EVA1C: variants seen among roughly 807,000 people sequenced by gnomAD.
The protein encoded by EVA1C is eva-1 homolog C.
In EVA1C, 25 loss-of-function variants were observed where a neutral mutation model predicts 45.4. That is an observed-to-expected ratio of 0.55 (90% CI 0.40 to 0.77). The LOEUF is 0.77. Among genes scored for constraint, EVA1C ranks in the 30% least tolerant of loss-of-function variants. The pLI, the probability that EVA1C is intolerant of heterozygous loss-of-function variation, is 0.00. For missense variants in EVA1C, 479 were observed against 554.8 expected, an observed-to-expected ratio of 0.86 and a Z score of 1.37; for synonymous variants, 190 against 221.2, an observed-to-expected ratio of 0.86 and a Z score of 1.25.
intron 4 of EVA1C, among the ~76,000 whole-genome samples, chr21:32,489,149 G>C (rs894259649): frequency 1.3e-5 from 2 of 152,178 alleles, no homozygotes; most frequent in African/African-American, 2.4e-5. Context: ...TGGTGTCCTA[G>C]CTAATAAATC....
chr21:32,440,150 G>C (rs2035121087), intron 1 of EVA1C, among the ~76,000 whole-genome samples: 1 of 152,008 alleles, frequency 6.6e-6, no homozygotes, highest in African/African-American at 2.4e-5. Context: ...TTGTATGTGA[G>C]GGCAGAACCA....
chr21:32,438,486 CAA>C (rs35688820), intron 1 of EVA1C, among the ~76,000 whole-genome samples: 1 of 57,268 alleles, frequency 1.7e-5, no homozygotes, highest in Non-Finnish European at 3.2e-5. Flanking sequence ...GACTCTGTCT[CAA>C]AAAAAAAAAA....
chr21:32,462,212 C>T (rs1385201890), intron 3 of EVA1C, among the ~76,000 whole-genome samples: 2 of 148,952 alleles, frequency 1.3e-5, no homozygotes, highest in Non-Finnish European at 3.0e-5. Context: ...ATAGGGAGAC[C>T]CCTATCTCTA....
At chr21:32,411,844 T>G (rs1486768137), upstream of EVA1C, among the ~76,000 whole-genome samples, 1 of 152,208 alleles carries the variant, frequency 6.6e-6, no homozygotes, top group Non-Finnish European at 1.5e-5. Flanking sequence ...CCTCGCGCAC[T>G]TGTCCTCGAT....
At chr21:32,439,346 G>A (rs112845828) in intron 1 of EVA1C, among the ~76,000 whole-genome samples, 1 of 152,180 alleles carries the variant, frequency 6.6e-6, no homozygotes, top group Non-Finnish European at 1.5e-5. Context: ...GGGCCCTTGG[G>A]GCCATTTGGT....
chr21:32,412,117 C>T (rs1428692359), upstream of EVA1C: 4 of 152,316 alleles, frequency 2.6e-5, no homozygotes, highest in Non-Finnish European at 4.4e-5. Flanking sequence ...AGACCTCCAG[C>T]TCGTCGCCGT....
At chr21:32,477,137 C>G (rs978202502) in intron 4 of EVA1C, among the ~76,000 whole-genome samples, 13 of 152,162 alleles carry the variant, frequency 8.5e-5, no homozygotes, top group African/African-American at 3.1e-4. Context: ...GGACACATCC[C>G]AGCAAGTCTG....
intron 1 of EVA1C, among the ~76,000 whole-genome samples, chr21:32,436,212 C>T (rs35933282): frequency 0.18 from 21,397 of 118,596 alleles, 1,560 homozygotes; most frequent in East Asian, 0.31. Context: ...TACAGGAGCC[C>T]GTCACCACAC....
At chr21:32,439,851 T>TG (rs1351494150) in intron 1 of EVA1C, among the ~76,000 whole-genome samples, 1 of 150,830 alleles carries the variant, frequency 6.6e-6, no homozygotes, top group Non-Finnish European at 1.5e-5. Flanking sequence ...ATCCCTAAAG[T>TG]GAAAAAAAAA....
At chr21:32,411,957 C>T (rs566991711), upstream of EVA1C, 2 of 152,402 alleles carry the variant, frequency 1.3e-5, no homozygotes, top group Admixed American at 1.3e-4. Context: ...GATGCTGTGG[C>T]CCACTTTAAA....
intron 1 of EVA1C, among the ~76,000 whole-genome samples, chr21:32,422,545 T>G (rs1291846638): frequency 6.6e-6 from 1 of 152,066 alleles, no homozygotes; most frequent in East Asian, 1.9e-4. Context: ...AACTGTAAAA[T>G]ACTAAAGACA....
chr21:32,464,218 G>T lies in EVA1C; in HGVS notation c.482-3478G>T, dbSNP rs117997076. Among the ~76,000 whole-genome samples the T allele has an allele frequency of 3.6e-4, 55 of 152,328 alleles. No homozygotes were observed. The East Asian group carries it at 0.01, about 28-fold the overall frequency. Reference sequence around the variant, plus strand: ...ATTAAGATTCCAGTGAGTGGGTAAAGGGCCTTCGAGACATTTGCTTAGTCA... The same window carrying T: ...ATTAAGATTCCAGTGAGTGGGTAAATGGCCTTCGAGACATTTGCTTAGTCA... On this transcript the variant is annotated intron_variant, in intron 3 of 7. Transcript: ENST00000300255.
Position 32,495,054 on chromosome 21 carries a change from T to C in EVA1C, c.662T>C (p.Val221Ala), listed in dbSNP as rs761143906. Residue 221 changes from valine (V) to alanine (A), a missense_variant, in exon 5 of 8, where the codon GTC (valine) becomes GCC (alanine). Transcript: ENST00000300255. ...FDCLSYSALQ[V>A]LSRRCYGKQR... ...TGCTTGTCTTACTCAGCTTTGCAAG[T>C]CCTATCCCGAAGGTGCTATGGGAAG... 32 of 1,614,040 alleles carry C rather than the reference T, an allele frequency of 2.0e-5. No homozygotes were observed. The South Asian group carries it at 3.3e-4, about 17-fold the overall frequency.
chr21:32,414,733 A>G (rs965649784), intron 1 of EVA1C, among the ~76,000 whole-genome samples: 1 of 152,140 alleles, frequency 6.6e-6, no homozygotes, highest in African/African-American at 2.4e-5. Context: ...TCTGCTTTCC[A>G]TACGAACCTA....
At chr21:32,449,448 T>C (rs1054596517) in intron 1 of EVA1C, among the ~76,000 whole-genome samples, 1 of 152,212 alleles carries the variant, frequency 6.6e-6, no homozygotes, top group African/African-American at 2.4e-5. Flanking sequence ...CAGAATGTCA[T>C]ATAGTTGGAA....
intron 7 of EVA1C, among the ~76,000 whole-genome samples, chr21:32,505,296 G>C (rs895669883): frequency 6.6e-6 from 1 of 151,990 alleles, no homozygotes; most frequent in Non-Finnish European, 1.5e-5. Flanking sequence ...TTCTTCTGTG[G>C]GTCCTCTCTT....
chr21:32,477,949 C>T (rs2036642635), intron 4 of EVA1C, among the ~76,000 whole-genome samples: 1 of 130,898 alleles, frequency 7.6e-6, no homozygotes, highest in Non-Finnish European at 1.6e-5. Context: ...TCTCACTCAC[C>T]CTCACCTCTG....
intron 2 of EVA1C, 118 bp from the exon 3 acceptor site, chr21:32,457,479 G>A (rs1219993976): frequency 8.5e-7 from 1 of 1,182,340 alleles, no homozygotes; most frequent in African/African-American, 1.5e-5. Context: ...CTTAGACACA[G>A]CTTGGCCAGG....
intron 7 of EVA1C, among the ~76,000 whole-genome samples, chr21:32,510,043 C>CTTTTT (rs58017017): frequency 8.7e-6 from 1 of 114,530 alleles, no homozygotes; most frequent in African/African-American, 3.8e-5. Context: ...TCCGACATTC[C>CTTTTT]TTTTTTTTTT....
Sources: allele counts gnomAD v4.1 joint callset (sites outside exome capture counted in the v4.1 genomes callset), GRCh38; gene constraint gnomAD v4.1.1; transcripts MANE v1.5; gene names NCBI Gene and HGNC (gene_info 2026-07-23, HGNC 2026-07-21).